Variants in RNF152 observed in about 807,000 individuals in gnomAD.
The protein encoded by RNF152 is ring finger protein 152.
A neutral mutation model predicts 12.7 loss-of-function variants in RNF152; 11 were observed. The observed-to-expected ratio is 0.86, with a 90% CI of 0.54 to 1.43. The LOEUF is 1.43. RNF152 is among the 40% of genes most tolerant of loss of function. The pLI is 0.00. For missense variants in RNF152, 255 were observed against 274.8 expected, an observed-to-expected ratio of 0.93 and a Z score of 0.51; for synonymous variants, 113 against 120.3, an observed-to-expected ratio of 0.94 and a Z score of 0.40.
rs1351218505 is a variant in RNF152 at position 61,814,415 on chromosome 18, AAAG to A, written c.*1434_*1436del. Reference sequence around the variant, plus strand: ...TACCACTTGCTTCATGAATTCCATAAAAGAAGTTAGATGAGAGCTGTAAAGCTC... The same window carrying A: ...TACCACTTGCTTCATGAATTCCATAAAAGTTAGATGAGAGCTGTAAAGCTC... On this transcript the variant is annotated 3_prime_UTR_variant, in exon 2 of 2. Transcript: ENST00000312828. 1 of 152,232 alleles carries A rather than the reference AAAG, an allele frequency of 6.6e-6. No individual in the cohort carries two copies. The highest frequency in any genetic ancestry group is 1.5e-5 in the Non-Finnish European group (1 of 68,044). The allele number at this position is 152,232 out of a possible 1,614,324, so 9.4% of individuals were successfully genotyped here.
At chr18:61,829,154 G>A (rs1310132268) in intron 1 of RNF152, among the ~76,000 whole-genome samples, 1 of 152,112 alleles carries the variant, frequency 6.6e-6, no homozygotes, top group African/African-American at 2.4e-5. Context: ...ATTCATACAT[G>A]TTGAGCATGT....
At chr18:61,885,072 T>C (rs1287413412) in intron 1 of RNF152, among the ~76,000 whole-genome samples, 3 of 152,216 alleles carry the variant, frequency 2.0e-5, no homozygotes, top group African/African-American at 4.8e-5. Flanking sequence ...AATTAACTAT[T>C]ACTCACTTAA....
intron 1 of RNF152, among the ~76,000 whole-genome samples, chr18:61,891,953 T>G (rs1444079601): frequency 6.6e-6 from 1 of 152,152 alleles, no homozygotes; most frequent in Non-Finnish European, 1.5e-5. Context: ...CTGCTACTAG[T>G]GTAGGATGCG....
At position 61,816,107 on chromosome 18, in the gene RNF152, G is replaced by A. The variant is rs748000508; in HGVS notation, c.357C>T (p.Cys119=). ...TCTGCTGGCTCCCGGGCAGCAGGCG[G>A]CAGCCCATGTCTCCGGGCAGCAGCG... ...ERALLPGDMG[C]RLLPGSQQKS... Residue 119 remains cysteine (C), a synonymous_variant, in exon 2 of 2, where the codon TGC becomes TGT. Coordinates refer to ENST00000312828, the MANE Select transcript of RNF152 (RefSeq NM_173557.3). 2 of 1,614,142 alleles carry A rather than the reference G, an allele frequency of 1.2e-6. No homozygotes were observed. Among genetic ancestry groups the A allele is most frequent in the Non-Finnish European group, 8.5e-7 (1 of 1,180,008 alleles).
intron 1 of RNF152, among the ~76,000 whole-genome samples, chr18:61,822,312 C>T (rs1189753471): frequency 6.6e-6 from 1 of 151,952 alleles, no homozygotes. Context: ...ATTAATTGAA[C>T]AATATATAGA....
At chr18:61,841,045 G>A (rs1193312217) in intron 1 of RNF152, among the ~76,000 whole-genome samples, 1 of 152,216 alleles carries the variant, frequency 6.6e-6, no homozygotes, top group East Asian at 1.9e-4. Context: ...GCTGGCATGG[G>A]GTGAGAAAGA....
chr18:61,845,931 G>A (rs1568276489), intron 1 of RNF152, among the ~76,000 whole-genome samples: 1 of 151,608 alleles, frequency 6.6e-6, no homozygotes, highest in South Asian at 2.1e-4. Flanking sequence ...GGGGGGGCGT[G>A]GTGATGAGGA....
At chr18:61,828,431 CA>C (rs1909772662) in intron 1 of RNF152, among the ~76,000 whole-genome samples, 1 of 151,078 alleles carries the variant, frequency 6.6e-6, no homozygotes, top group African/African-American at 2.4e-5. Flanking sequence ...TTCCAAAAAA[CA>C]TTTTTTTGTA....
Position 61,819,067 on chromosome 18 carries a change from G to A in RNF152, c.-135-2469C>T, listed in dbSNP as rs60266996. Among the ~76,000 whole-genome samples, 718 of 152,326 alleles carry A rather than the reference G, an allele frequency of 4.7e-3. 4 individuals are homozygous for A. The highest frequency in any genetic ancestry group is 0.016 in the African/African-American group (656 of 41,568). On this transcript the variant is annotated intron_variant, in intron 1 of 1. Coordinates refer to ENST00000312828, the MANE Select transcript of RNF152 (RefSeq NM_173557.3). ...CATGAGCAAAGGAAAGAAGGTAAGC[G>A]ATTACAGAATTATTTTCTATTCTAC...
intron 1 of RNF152, among the ~76,000 whole-genome samples, chr18:61,827,327 T>C (rs1247360470): frequency 6.6e-6 from 1 of 152,218 alleles, no homozygotes; most frequent in Non-Finnish European, 1.5e-5. Flanking sequence ...TCAGTATTCC[T>C]TCAAAATACT....
At chr18:61,874,875 G>A (rs1185578843) in intron 1 of RNF152, 1 of 152,096 alleles carries the variant, frequency 6.6e-6, no homozygotes, top group Non-Finnish European at 1.5e-5. Context: ...ATGAAGTTTA[G>A]CTTTATTGGG....
chr18:61,879,834 G>A (rs921609195), intron 1 of RNF152, among the ~76,000 whole-genome samples: 26 of 151,870 alleles, frequency 1.7e-4, no homozygotes, highest in Admixed American at 5.2e-4. Context: ...GTGTGGTGGC[G>A]CACGCCTGTA....
intron 1 of RNF152, among the ~76,000 whole-genome samples, chr18:61,861,287 T>A (rs1284034387): frequency 6.6e-6 from 1 of 152,228 alleles, no homozygotes. Context: ...GTACCTTTTT[T>A]ATCTTTTATA....
At chr18:61,869,388 C>G (rs958033893) in intron 1 of RNF152, among the ~76,000 whole-genome samples, 14 of 152,154 alleles carry the variant, frequency 9.2e-5, no homozygotes, top group African/African-American at 3.1e-4. Context: ...TCCAAATAAA[C>G]ATGGGCCATG....
At chr18:61,886,120 G>A (rs1214483594) in intron 1 of RNF152, among the ~76,000 whole-genome samples, 1 of 150,718 alleles carries the variant, frequency 6.6e-6, no homozygotes, top group South Asian at 2.1e-4. Flanking sequence ...CCAAACATTG[G>A]TATACGTACT....
chr18:61,838,030 T>C (rs1481020725), intron 1 of RNF152, among the ~76,000 whole-genome samples: 4 of 151,974 alleles, frequency 2.6e-5, no homozygotes, highest in African/African-American at 9.7e-5. Context: ...ACACACATGG[T>C]TCCTCTGACT....
At chr18:61,880,465 C>T (rs898634904) in intron 1 of RNF152, among the ~76,000 whole-genome samples, 15 of 152,178 alleles carry the variant, frequency 9.9e-5, no homozygotes, top group Non-Finnish European at 1.8e-4. Flanking sequence ...AGCACAAACT[C>T]GCCACGTAAC....
At chr18:61,822,100 T>C (rs1459954256) in intron 1 of RNF152, among the ~76,000 whole-genome samples, 3 of 152,098 alleles carry the variant, frequency 2.0e-5, no homozygotes, top group East Asian at 3.9e-4. Context: ...AGAACAAGTA[T>C]ATAAGAAAAT....
intron 1 of RNF152, among the ~76,000 whole-genome samples, chr18:61,853,623 C>T (rs1599297924): frequency 1.3e-5 from 2 of 152,118 alleles, no homozygotes; most frequent in South Asian, 4.1e-4. Flanking sequence ...CCAGTGGCTG[C>T]CTGCATTCCC....
Sources: gnomAD v4.1 joint callset for allele counts (sites outside exome capture counted in the v4.1 genomes callset) on GRCh38, gnomAD v4.1.1 for gene constraint, MANE v1.5 for transcripts, NCBI Gene and HGNC (gene_info 2026-07-23, HGNC 2026-07-21) for gene names.